Variants in PYGB observed in about 807,000 individuals in gnomAD.
The protein encoded by PYGB is glycogen phosphorylase, brain form.
Under a neutral mutation model 94.3 loss-of-function variants are expected in PYGB, and 82 were observed. The observed-to-expected ratio is 0.87, with a 90% CI of 0.73 to 1.04. The LOEUF is 1.04. Among genes scored for constraint, PYGB ranks in the 50% least tolerant of loss-of-function variants. The probability of loss-of-function intolerance (pLI) is 0.00; values close to 1 mark genes in which losing one functional copy is unlikely to be tolerated. For synonymous variants in PYGB, 488 were observed against 479.1 expected, an observed-to-expected ratio of 1.02 and a Z score of -0.24; for missense variants, 1,132 against 1,158.2, an observed-to-expected ratio of 0.98 and a Z score of 0.33.
At position 25,281,006 on chromosome 20, in the gene PYGB, G is replaced by C; in HGVS notation, c.1297G>C (p.Glu433Gln). ...CCGCCTGCGCAGGATGTCTGTGATC[G>C]AGGAGGGGGACTGCAAGCGGATCAA... Reference protein sequence around the residue: ...VDRLRRMSVIEEGDCKRINMA... With the variant: ...VDRLRRMSVIQEGDCKRINMA... Residue 433 changes from glutamate (E) to glutamine (Q), a missense_variant, in exon 11 of 20, where the codon GAG (glutamate) becomes CAG (glutamine). Physicochemically the swap from Glu to Gln is conservative, Grantham distance 29. Transcript: ENST00000216962. The C allele has an allele frequency of 6.2e-7, 1 of 1,614,188 alleles. No homozygotes were observed. Among genetic ancestry groups the C allele is most frequent in the Non-Finnish European group, 8.5e-7 (1 of 1,180,030 alleles).
chr20:25,267,166 G>A (rs1234807909), intron 2 of PYGB, among the ~76,000 whole-genome samples: 1 of 152,184 alleles, frequency 6.6e-6, no homozygotes, highest in Non-Finnish European at 1.5e-5. Context: ...ACAAAGACGG[G>A]AAGGGCTGAC....
chr20:25,269,256 T>C, intron 3 of PYGB, 49 bp downstream of exon 3: 1 of 1,474,940 alleles, frequency 6.8e-7, no homozygotes, highest in Non-Finnish European at 9.4e-7. Flanking sequence ...TTGGCTTGGT[T>C]GGAGGCCACG....
At chr20:25,274,004 C>G (rs1296814840) in intron 4 of PYGB, among the ~76,000 whole-genome samples, 1 of 152,206 alleles carries the variant, frequency 6.6e-6, no homozygotes, top group Non-Finnish European at 1.5e-5. Flanking sequence ...TGAGCCTCCG[C>G]CTGGCCAGTG....
chr20:25,283,140 GA>G, intron 12 of PYGB, 35 bp from the exon 13 acceptor site: 1 of 1,552,340 alleles, frequency 6.4e-7, no homozygotes, highest in Non-Finnish European at 8.9e-7. Flanking sequence ...TCAGGAGGCT[GA>G]GGCCCACAGT....
At chr20:25,291,387 GC>G (rs576130163) in intron 16 of PYGB, among the ~76,000 whole-genome samples, 3 of 152,030 alleles carry the variant, frequency 2.0e-5, no homozygotes, top group Non-Finnish European at 2.9e-5. Context: ...AGGGCCAAGG[GC>G]CCCCCCTAGT....
chr20:25,292,384 C>A, intron 16 of PYGB, 22 bp from the exon 17 acceptor site: 2 of 1,609,608 alleles, frequency 1.2e-6, no homozygotes, highest in Non-Finnish European at 1.7e-6. Flanking sequence ...CAGTGATCCC[C>A]TCCACGGGCT....
chr20:25,267,847 G>A (rs1005303067), intron 2 of PYGB, among the ~76,000 whole-genome samples: 15 of 152,056 alleles, frequency 9.9e-5, no homozygotes, highest in African/African-American at 3.4e-4. Context: ...TGTCTTTCTC[G>A]AATGCTCACA....
At chr20:25,283,301 C>T (rs1414952331) in intron 13 of PYGB, 24 bp downstream of exon 13, 1 of 1,593,900 alleles carries the variant, frequency 6.3e-7, no homozygotes, top group Middle Eastern at 1.7e-4. Context: ...TGGCCCCAGC[C>T]CCGACCCCAG....
At position 25,284,210 on chromosome 20, in the gene PYGB, G is replaced by T; in HGVS notation, c.1727G>T (p.Arg576Leu). 1.2e-6 allele frequency: 2 copies of T among 1,614,080 alleles called. No individual in the cohort carries two copies. The highest frequency in any genetic ancestry group is 1.7e-6 in the Non-Finnish European group (2 of 1,180,012). Residue 576 changes from arginine to leucine, a missense_variant, in exon 14 of 20, where the codon CGG becomes CTG. Transcript: ENST00000216962. ...GTGAAGAGGATCCACGAGTACAAGC[G>T]GCAGCTGCTCAACTGCCTGCACGTC... is the stretch of plus-strand genomic sequence containing the variant. ...VHVKRIHEYK[R>L]QLLNCLHVVT...
chr20:25,289,469 A>T (rs995254575), intron 15 of PYGB, among the ~76,000 whole-genome samples: 12 of 151,962 alleles, frequency 7.9e-5, no homozygotes, highest in African/African-American at 2.9e-4. Flanking sequence ...GTGTGGTGAA[A>T]CCCCATCTCT....
chr20:25,253,449 C>G (rs563684044), intron 1 of PYGB, among the ~76,000 whole-genome samples: 1 of 151,630 alleles, frequency 6.6e-6, no homozygotes, highest in African/African-American at 2.4e-5. Flanking sequence ...GTCAAAAGTT[C>G]GAGACCAGCC....
chr20:25,286,243 C>T (rs1273107726), intron 14 of PYGB, among the ~76,000 whole-genome samples: 1 of 152,212 alleles, frequency 6.6e-6, no homozygotes, highest in Non-Finnish European at 1.5e-5. Context: ...TTTTCTGCTT[C>T]TGGGCTGCAG....
rs2088477579 is a variant in PYGB at position 25,292,490 on chromosome 20, A to G, written c.2054A>G (p.Asn685Ser). Residue 685 changes from asparagine (N) to serine (S), a missense_variant, in exon 17 of 20, where the codon AAC (asparagine) becomes AGC (serine). Transcript: ENST00000216962. Reference protein sequence around the residue: ...SGTGNMKFMLNGALTIGTMDG... With the variant: ...SGTGNMKFMLSGALTIGTMDG... ...ACAGGCAACATGAAGTTCATGCTCA[A>G]CGGGGCCCTCACCATCGGCACCATG... 7 of 1,613,642 alleles carry G rather than the reference A, an allele frequency of 4.3e-6. No homozygotes were observed. The highest frequency in any genetic ancestry group is 5.9e-6 in the Non-Finnish European group (7 of 1,180,010).
At chr20:25,274,490 A>AGGC in intron 4 of PYGB, 102 bp from the exon 5 acceptor site, 1 of 1,447,636 alleles carries the variant, frequency 6.9e-7, no homozygotes. Flanking sequence ...TTTCAGTGCC[A>AGGC]GGCACTGTGT....
Position 25,248,315 on chromosome 20 carries a change from T to C in PYGB, c.137T>C (p.Val46Ala). The C allele has an allele frequency of 6.2e-7, 1 of 1,604,458 alleles. No homozygotes were observed. Among genetic ancestry groups the C allele is most frequent in the Non-Finnish European group, 8.5e-7 (1 of 1,176,084 alleles). ...LHFTLVKDRN[V>A]ATPRDYFFAL... ...TTCACGCTGGTCAAGGACCGCAATG[T>C]GGCCACGCCCCGCGACTACTTCTTC... The change falls in exon 1 of 20, where the codon GTG (valine) becomes GCG (alanine). Residue 46 changes from valine to alanine, a missense_variant. Physicochemically the swap from Val to Ala is moderately conservative, Grantham distance 64 (BLOSUM62 0). Coordinates refer to ENST00000216962, the MANE Select transcript of PYGB (RefSeq NM_002862.4).
rs748632523 is a variant in PYGB at position 25,284,267 on chromosome 20, A to C, written c.1768+16A>C. The C allele has an allele frequency of 2.5e-6, 4 of 1,609,132 alleles. No homozygotes were observed. The highest frequency in any genetic ancestry group is 3.4e-6 in the Non-Finnish European group (4 of 1,177,444). ...CTGTACAATCGTGAGTGCCGGCATC[A>C]CCTGCATGACCGCGCTGTGGGGCCC... On this transcript the variant is annotated intron_variant, in intron 14 of 19. Coordinates refer to ENST00000216962, the MANE Select transcript of PYGB (RefSeq NM_002862.4).
chr20:25,290,874 C>T (rs982105172), intron 16 of PYGB, among the ~76,000 whole-genome samples: 3 of 152,104 alleles, frequency 2.0e-5, no homozygotes, highest in African/African-American at 4.8e-5. Flanking sequence ...CCCTTACTGC[C>T]GCGCCTGCCT....
Position 25,283,231 on chromosome 20 carries a change from T to C in PYGB, c.1574T>C (p.Leu525Pro). The change falls in exon 13 of 20, where the codon CTG becomes CCG. Residue 525 changes from leucine to proline, a missense_variant. Leu to Pro is a moderately conservative substitution (Grantham distance 98). Transcript: ENST00000216962. ...AGCCAGCTGAAGAAGCTGCTGCCGC[T>C]GGTCAGTGACGAGGTGTTCATCAGG... ...DLSQLKKLLPLVSDEVFIRDV... is the reference protein window; with the variant it reads ...DLSQLKKLLPPVSDEVFIRDV... The C allele has an allele frequency of 1.9e-6, 3 of 1,613,882 alleles. No individual in the cohort carries two copies. Among genetic ancestry groups the C allele is most frequent in the African/African-American group, 1.3e-5 (1 of 75,040 alleles).
At chr20:25,294,797 T>C (rs1015095786) in intron 18 of PYGB, 3 of 719,048 alleles carry the variant, frequency 4.2e-6, no homozygotes, top group African/African-American at 3.5e-5. Context: ...CATGGTATGG[T>C]TTATCTAGAG....
Sources: gnomAD v4.1 joint callset for allele counts (sites outside exome capture counted in the v4.1 genomes callset) on GRCh38, gnomAD v4.1.1 for gene constraint, MANE v1.5 for transcripts, NCBI Gene and HGNC (gene_info 2026-07-23, HGNC 2026-07-21) for gene names.